AK7: variants seen among roughly 807,000 people sequenced by gnomAD.
The protein encoded by AK7 is adenylate kinase 7.
Under a neutral mutation model 96.6 loss-of-function variants are expected in AK7, and 78 were observed. The ratio of observed to expected loss-of-function variants is 0.81; its 90% CI spans 0.67 to 0.97. AK7 has a LOEUF of 0.97. Among genes scored for constraint, AK7 ranks in the 50% least tolerant of loss-of-function variants. The pLI, the probability that AK7 is intolerant of heterozygous loss-of-function variation, is 0.00. For synonymous variants in AK7, 302 were observed against 317.2 expected, an observed-to-expected ratio of 0.95 and a Z score of 0.51; for missense variants, 855 against 887.9, an observed-to-expected ratio of 0.96 and a Z score of 0.47.
At chr14:96,459,770 G>A (rs959950987) in intron 12 of AK7, among the ~76,000 whole-genome samples, 28 of 151,768 alleles carry the variant, frequency 1.8e-4, no homozygotes, top group Non-Finnish European at 2.7e-4. Flanking sequence ...CTAGCTACTC[G>A]GAAGGCTGAG....
intron 12 of AK7, among the ~76,000 whole-genome samples, chr14:96,462,442 T>G (rs1894305889): frequency 6.6e-6 from 1 of 152,192 alleles, no homozygotes; most frequent in South Asian, 2.1e-4. Flanking sequence ...ATGACTGCAT[T>G]TGTTATCACA....
At chr14:96,431,521 A>G (rs1392381264) in intron 5 of AK7, among the ~76,000 whole-genome samples, 1 of 152,174 alleles carries the variant, frequency 6.6e-6, no homozygotes, top group Non-Finnish European at 1.5e-5. Flanking sequence ...TTATTTACCC[A>G]GTAGTCATTC....
At chr14:96,466,261 A>T (rs1894561991) in intron 12 of AK7, among the ~76,000 whole-genome samples, 1 of 149,892 alleles carries the variant, frequency 6.7e-6, no homozygotes, top group Non-Finnish European at 1.5e-5. Context: ...TTTGAGACAG[A>T]GTCCTCGCTC....
At chr14:96,409,602 A>G (rs1016509388) in intron 4 of AK7, among the ~76,000 whole-genome samples, 6 of 152,182 alleles carry the variant, frequency 3.9e-5, no homozygotes, top group Non-Finnish European at 8.8e-5. Flanking sequence ...AAGAAAATAT[A>G]AGTAAAATAT....
At chr14:96,473,508 C>T (rs1895016465) in intron 14 of AK7, among the ~76,000 whole-genome samples, 2 of 151,492 alleles carry the variant, frequency 1.3e-5, no homozygotes, top group Non-Finnish European at 2.9e-5. Context: ...AGGGCTACAC[C>T]ATAGGCAGTG....
rs1315411305 is a variant in AK7, at chr14:96,398,154, C to T, written c.185C>T (p.Ala62Val). 23 of 1,614,022 alleles carry T rather than the reference C, an allele frequency of 1.4e-5. No homozygotes were observed. Among genetic ancestry groups the T allele is most frequent in the Non-Finnish European group, 1.9e-5 (23 of 1,180,036 alleles). Residue 62 changes from alanine to valine, a missense_variant, in exon 2 of 18, where the codon GCT becomes GTT. Ala to Val is a moderately conservative substitution (Grantham distance 64). Transcript: ENST00000267584. ...EEEEEDENKS[A>V]MLEASSTKVK... ...GAAGAGGAAGATGAAAATAAGTCAGCTATGCTGGAAGCTTCCTCAACCAAA... is the reference window on the plus strand; with the variant it reads ...GAAGAGGAAGATGAAAATAAGTCAGTTATGCTGGAAGCTTCCTCAACCAAA...
chr14:96,409,941 G>T (rs1381638233), intron 4 of AK7, among the ~76,000 whole-genome samples: 1 of 152,200 alleles, frequency 6.6e-6, no homozygotes, highest in East Asian at 1.9e-4. Context: ...TGTGTTCAAG[G>T]TCACTGAGTC....
intron 5 of AK7, chr14:96,423,982 G>A: frequency 1.1e-6 from 1 of 904,292 alleles, no homozygotes; most frequent in Non-Finnish European, 1.8e-6. Context: ...CCTGTATTGG[G>A]GATCCTTCCT....
intron 1 of AK7, among the ~76,000 whole-genome samples, chr14:96,395,800 A>ATTTTTT (rs1172936912): frequency 2.6e-4 from 18 of 69,038 alleles, no homozygotes; most frequent in African/African-American, 5.2e-4. Flanking sequence ...TTGATTTTGA[A>ATTTTTT]TTTTTTTTTT....
chr14:96,441,165 G>A (rs143908239), intron 6 of AK7, among the ~76,000 whole-genome samples: 3 of 152,264 alleles, frequency 2.0e-5, no homozygotes, highest in African/African-American at 7.2e-5. Context: ...ACATAGGGCC[G>A]AGGAAGCAAT....
rs745377119 is a variant in AK7 at position 96,478,563 on chromosome 14, C to G, written c.1654C>G (p.Arg552Gly). 6.2e-7 allele frequency: 1 copy of G among 1,614,044 alleles called. No individual in the cohort carries two copies. Among genetic ancestry groups the G allele is most frequent in the African/African-American group, 1.3e-5 (1 of 74,906 alleles). ...GGCGGGGACCCACTACAGCCAAGAC[C>G]GATTCCTCCGGGCTCTGAGCAACTA... ...IVAGTHYSQD[R>G]FLRALSNYRD... The change falls in exon 15 of 18, where the codon CGA (arginine) becomes GGA (glycine). Residue 552 changes from arginine to glycine, a missense_variant. Arg to Gly is a moderately radical substitution (Grantham distance 125, BLOSUM62 -2). Transcript: ENST00000267584.
chr14:96,430,421 CT>C (rs1229575716), intron 5 of AK7, among the ~76,000 whole-genome samples: 1 of 152,070 alleles, frequency 6.6e-6, no homozygotes, highest in Non-Finnish European at 1.5e-5. Context: ...ATCTCCTGAC[CT>C]CGTGATCCGC....
In AK7 at chr14:96,488,037, C is replaced by A. The variant is rs185076488; in HGVS notation, c.2134-268C>A. On this transcript the variant is annotated intron_variant, in intron 17 of 17. Transcript: ENST00000267584. ...AAGTGATTCTCCTGCCTTAGCCTCC[C>A]AAGTAGCTGGGATTACAGGCGCCTG... 5.5e-3 allele frequency: 2,201 copies of A among 399,292 alleles called. 8 individuals are homozygous for A. The highest frequency in any genetic ancestry group is 7.1e-3 in the Non-Finnish European group (1,507 of 211,192). 24.7% of individuals were successfully genotyped at this position (399,292 alleles called of 1,614,324 possible). A position where few individuals can be genotyped will look rare whatever the true frequency, so the allele number is the denominator to read the frequency against.
intron 8 of AK7, among the ~76,000 whole-genome samples, chr14:96,448,630 TAAAAAAAAA>T (rs71103528): frequency 2.7e-5 from 2 of 74,884 alleles, no homozygotes; most frequent in East Asian, 4.5e-4. Flanking sequence ...ACCCTATCTC[TAAAAAAAAA>T]AAAAAAAAAA....
At chr14:96,456,540 G>T (rs753493986) in intron 11 of AK7, 65 bp downstream of exon 11, 25 of 1,550,080 alleles carry the variant, frequency 1.6e-5, no homozygotes, top group Non-Finnish European at 2.0e-5. Context: ...AGGGTATAAA[G>T]ATGTATATGA....
intron 5 of AK7, among the ~76,000 whole-genome samples, chr14:96,430,389 G>T (rs1184912861): frequency 2.0e-5 from 3 of 151,952 alleles, no homozygotes; most frequent in African/African-American, 4.8e-5. Flanking sequence ...GTTTCACTGT[G>T]TTAGCCAGGA....
chr14:96,392,414 T>G (rs1316630031), intron 1 of AK7, among the ~76,000 whole-genome samples, 155 bp downstream of exon 1: 1 of 152,196 alleles, frequency 6.6e-6, no homozygotes, highest in Non-Finnish European at 1.5e-5. Flanking sequence ...CAATGCCCCC[T>G]GGACCCCAGT....
At chr14:96,421,130 C>T (rs995411769) in intron 5 of AK7, among the ~76,000 whole-genome samples, 198 bp downstream of exon 5, 5 of 152,158 alleles carry the variant, frequency 3.3e-5, no homozygotes, top group Admixed American at 1.3e-4. Context: ...GAGCTTGAGC[C>T]ATCACCCACA....
In AK7 at chr14:96,445,173, T is replaced by C. The variant is rs532157491; in HGVS notation, c.780-1344T>C. Among the ~76,000 whole-genome samples the C allele has an allele frequency of 2.6e-5, 4 of 152,372 alleles. No individual in the cohort carries two copies. In the South Asian group the frequency reaches 8.3e-4, roughly 32 times the overall value. On this transcript the variant is annotated intron_variant, in intron 7 of 17. Transcript: ENST00000267584. ...CTGCTCATTTCACTGACACACTTGT[T>C]CTATTTTATGGAATGAAATGTTGCC...
Sources: gnomAD v4.1 joint callset for allele counts (sites outside exome capture counted in the v4.1 genomes callset) on GRCh38, gnomAD v4.1.1 for gene constraint, MANE v1.5 for transcripts, NCBI Gene and HGNC (gene_info 2026-07-23, HGNC 2026-07-21) for gene names.